EPB41L3: variants seen among roughly 807,000 people sequenced by gnomAD.
EPB41L3 encodes erythrocyte membrane protein band 4.1 like 3, also known as band 4.1-like protein 3.
EPB41L3 carries 57 observed loss-of-function variants against 127.1 expected under a neutral mutation model. That is an observed-to-expected ratio of 0.45 (90% CI 0.36 to 0.56). EPB41L3 has a LOEUF of 0.56. EPB41L3 is among the 20% of genes least tolerant of loss of function. The pLI is 0.00. For synonymous variants in EPB41L3, 572 were observed against 549.5 expected (o/e 1.04, Z -0.57); for missense variants, 1,273 against 1,372.2 (o/e 0.93, Z 1.14).
At position 5,396,331 on chromosome 18, in the gene EPB41L3, G is replaced by T. The variant is rs1436444755; in HGVS notation, c.2843C>A (p.Ser948Tyr). The change falls in exon 19 of 23, where the codon TCC (serine) becomes TAC (tyrosine). Residue 948 changes from serine to tyrosine, a missense_variant and splice_region_variant. Physicochemically the swap from Ser to Tyr is moderately radical, Grantham distance 144. This residue lies in a region of EPB41L3 where 765 missense variants were observed against 782.9 expected (regional missense o/e 0.98). Transcript: ENST00000341928. ...GATGGTTTCCGTCTTCACCGTTGAG[G>T]ACTGTGCCAAAGGGGAGTAAGCAGA... ...ETLEQKPHFE[S>Y]STVKTETISF... 1 of 1,614,136 alleles carries T rather than the reference G, an allele frequency of 6.2e-7. No individual in the cohort carries two copies. The highest frequency in any genetic ancestry group is 8.5e-7 in the Non-Finnish European group (1 of 1,180,026).
chr18:5,406,261 A>G (rs1350840783), intron 16 of EPB41L3, among the ~76,000 whole-genome samples: 3 of 152,130 alleles, frequency 2.0e-5, no homozygotes, highest in Non-Finnish European at 4.4e-5. Flanking sequence ...AAAAACAAAA[A>G]ACAAAAAACG....
chr18:5,594,066 TA>T (rs2094513600), intron 3 of EPB41L3, among the ~76,000 whole-genome samples: 1 of 152,156 alleles, frequency 6.6e-6, no homozygotes, highest in Non-Finnish European at 1.5e-5. Context: ...CTGACAGGAT[TA>T]AGAGATTAAA....
intron 1 of EPB41L3, among the ~76,000 whole-genome samples, chr18:5,624,980 G>T (rs963914752): frequency 2.6e-5 from 4 of 152,142 alleles, no homozygotes; most frequent in African/African-American, 9.7e-5. Context: ...TCAGTTGAAA[G>T]AAATAGGGTG....
At chr18:5,601,266 G>T (rs942769102) in intron 3 of EPB41L3, among the ~76,000 whole-genome samples, 5 of 152,046 alleles carry the variant, frequency 3.3e-5, no homozygotes, top group Non-Finnish European at 7.4e-5. Flanking sequence ...AGGAGATAAG[G>T]CTTCAGAGAT....
At chr18:5,414,105 G>A (rs2076511674) in intron 13 of EPB41L3, among the ~76,000 whole-genome samples, 1 of 152,120 alleles carries the variant, frequency 6.6e-6, no homozygotes. Context: ...TAACTCGACT[G>A]TTAAAGGAAA....
At chr18:5,603,111 T>C (rs2094608037) in intron 3 of EPB41L3, among the ~76,000 whole-genome samples, 2 of 152,228 alleles carry the variant, frequency 1.3e-5, no homozygotes, top group African/African-American at 4.8e-5. Context: ...TTTTTCCTTT[T>C]CATTAATACT....
At chr18:5,486,771 T>C (rs888575260) in intron 2 of EPB41L3, among the ~76,000 whole-genome samples, 9 of 152,022 alleles carry the variant, frequency 5.9e-5, no homozygotes, top group Admixed American at 3.9e-4. Context: ...AAGACCACAA[T>C]TGAGATATCA....
Position 5,500,972 on chromosome 18 carries a change from G to C in EPB41L3, c.-11-11778C>G, listed in dbSNP as rs1369641749. ...TAGTCACTGTAAGAACGTGTGGTGA[G>C]AACAAGAAAGAAAACAAAGGAGGGG... On this transcript the variant is annotated intron_variant, in intron 1 of 22. Transcript: ENST00000341928. Among the ~76,000 whole-genome samples the C allele has an allele frequency of 2.0e-5, 3 of 152,172 alleles. No homozygotes were observed. In the East Asian group the frequency reaches 5.8e-4, roughly 29 times the overall value.
chr18:5,572,630 A>G (rs990013234), intron 3 of EPB41L3, among the ~76,000 whole-genome samples: 15 of 152,122 alleles, frequency 9.9e-5, no homozygotes, highest in Non-Finnish European at 1.3e-4. Flanking sequence ...CTGCAGTGCA[A>G]TGGTGTCATC....
Position 5,411,583 on chromosome 18 carries a change from C to T in EPB41L3, c.2068-964G>A, listed in dbSNP as rs148096701. Among the ~76,000 whole-genome samples, 20 of 151,604 alleles carry T rather than the reference C, an allele frequency of 1.3e-4. No individual in the cohort carries two copies. The East Asian group carries it at 3.7e-3, about 28-fold the overall frequency. ...GTAGAGCTGTGGACATCTAAATGCC[C>T]TAATATTAACTGACTTTCCCTCCAC... On this transcript the variant is annotated intron_variant, in intron 13 of 22. Coordinates refer to ENST00000341928, the MANE Select transcript of EPB41L3 (RefSeq NM_012307.5).
At chr18:5,540,240 A>G in intron 1 of EPB41L3, 1 of 677,202 alleles carries the variant, frequency 1.5e-6, no homozygotes, top group Non-Finnish European at 1.8e-6. Context: ...TATTTCACAA[A>G]AAACAAACAA....
intron 1 of EPB41L3, among the ~76,000 whole-genome samples, chr18:5,540,127 T>C (rs2093680396): frequency 6.6e-6 from 1 of 152,212 alleles, no homozygotes; most frequent in Non-Finnish European, 1.5e-5. Flanking sequence ...TGCCTCAATA[T>C]ATAAATAAAA....
chr18:5,555,235 T>G (rs1252887789), intron 3 of EPB41L3, among the ~76,000 whole-genome samples: 1 of 152,152 alleles, frequency 6.6e-6, no homozygotes, highest in Admixed American at 6.5e-5. Flanking sequence ...GGCACCCAAG[T>G]TCCAGGACCT....
intron 8 of EPB41L3, 98 bp downstream of exon 8, chr18:5,433,371 T>C (rs1403475454): frequency 1.1e-5 from 9 of 817,688 alleles, no homozygotes; most frequent in Non-Finnish European, 1.6e-5. Flanking sequence ...AGAGGTTTCA[T>C]TTACATTAAC....
At chr18:5,526,292 A>G (rs2093218926) in intron 1 of EPB41L3, among the ~76,000 whole-genome samples, 1 of 152,230 alleles carries the variant, frequency 6.6e-6, no homozygotes, top group East Asian at 1.9e-4. Context: ...CACGTGGATC[A>G]TCACTGAGGT....
chr18:5,398,270 C>G, intron 16 of EPB41L3, 127 bp from the exon 17 acceptor site: 1 of 1,117,886 alleles, frequency 8.9e-7, no homozygotes, highest in Admixed American at 2.3e-5. Flanking sequence ...ACGAAGGAAT[C>G]TCAGAGTTTG....
At chr18:5,598,648 A>G (rs1027626030) in intron 3 of EPB41L3, among the ~76,000 whole-genome samples, 1 of 152,202 alleles carries the variant, frequency 6.6e-6, no homozygotes, top group Non-Finnish European at 1.5e-5. Flanking sequence ...TCAACATTAG[A>G]TAATACTCCA....
intron 3 of EPB41L3, among the ~76,000 whole-genome samples, chr18:5,585,371 T>C (rs1031017125): frequency 7.9e-5 from 12 of 152,160 alleles, no homozygotes; most frequent in Non-Finnish European, 1.8e-4. Context: ...TAGTGCGATC[T>C]GGGCTCACTA....
intron 13 of EPB41L3, 37 bp downstream of exon 13, chr18:5,415,781 C>A: frequency 2.5e-6 from 4 of 1,586,072 alleles, no homozygotes; most frequent in East Asian, 2.2e-5. Context: ...AAGCACGGAA[C>A]ACGAAGGGGA....
Sources: allele counts gnomAD v4.1 joint callset (sites outside exome capture counted in the v4.1 genomes callset), GRCh38; gene constraint gnomAD v4.1.1; regional missense constraint gnomAD v4.1.1; transcripts MANE v1.5; gene names NCBI Gene and HGNC (gene_info 2026-07-23, HGNC 2026-07-21).